Variants in NEK11 observed in about 807,000 individuals in gnomAD.
NEK11 encodes NIMA related kinase 11.
NEK11 carries 72 observed loss-of-function variants against 80.7 expected under a neutral mutation model. The observed-to-expected ratio is 0.89, with a 90% CI of 0.74 to 1.08. NEK11 has a LOEUF of 1.08. NEK11 is among the 50% of genes least tolerant of loss of function. The pLI is 0.00. For synonymous variants in NEK11, 251 were observed against 260.7 expected (o/e 0.96, Z 0.36); for missense variants, 764 against 763.6 (o/e 1.00, Z -0.01).
At chr3:131,226,694 G>A (rs1305989089) in intron 14 of NEK11, among the ~76,000 whole-genome samples, 2 of 152,018 alleles carry the variant, frequency 1.3e-5, no homozygotes, top group African/African-American at 4.8e-5. Context: ...AGGGTGGGAG[G>A]GAGGTAAGGG....
At chr3:131,072,183 C>T (rs1345230375) in intron 3 of NEK11, 4 of 152,186 alleles carry the variant, frequency 2.6e-5, no homozygotes, top group Admixed American at 6.5e-5. Flanking sequence ...TTGACTAATT[C>T]AGCAGCTGAG....
rs550128704 is a variant in NEK11, at chr3:131,094,690, T to G, written c.336+14102T>G. On this transcript the variant is annotated intron_variant, in intron 4 of 17. Coordinates refer to ENST00000383366, the MANE Select transcript of NEK11 (RefSeq NM_024800.5). Reference sequence around the variant, plus strand: ...CCTTCCTGCATGACGGGAAAGCTTCTGTACATCCAGAAACTATTCATTGAA... The same window carrying G: ...CCTTCCTGCATGACGGGAAAGCTTCGGTACATCCAGAAACTATTCATTGAA... Among the ~76,000 whole-genome samples, 8 of 152,338 alleles carry G rather than the reference T, an allele frequency of 5.3e-5. No individual in the cohort carries two copies. The East Asian group carries it at 1.5e-3, about 29-fold the overall frequency.
chr3:131,334,820 A>G (rs1016788348), intron 17 of NEK11, among the ~76,000 whole-genome samples: 35 of 152,368 alleles, frequency 2.3e-4, no homozygotes, highest in African/African-American at 7.5e-4. Context: ...ACAAATTACC[A>G]TCAGAGAATA....
chr3:131,262,658 G>A (rs528820678), intron 16 of NEK11, among the ~76,000 whole-genome samples: 1 of 152,174 alleles, frequency 6.6e-6, no homozygotes, highest in East Asian at 1.9e-4. Flanking sequence ...TTTTAATAAA[G>A]GCAAAATTAG....
chr3:131,075,467 AT>A (rs2074190190), intron 3 of NEK11, among the ~76,000 whole-genome samples: 1 of 151,526 alleles, frequency 6.6e-6, no homozygotes, highest in Non-Finnish European at 1.5e-5. Context: ...CTTTTCCATT[AT>A]TTTTATCAAT....
intron 5 of NEK11, among the ~76,000 whole-genome samples, chr3:131,111,449 C>T (rs142004992): frequency 1.8e-3 from 276 of 152,118 alleles, no homozygotes; most frequent in African/African-American, 5.4e-3. Flanking sequence ...TTTTATGTTT[C>T]GGTTCATTCA....
chr3:131,337,922 A>G (rs62280813), intron 17 of NEK11, among the ~76,000 whole-genome samples: 20,380 of 152,174 alleles, frequency 0.13, 1,744 homozygotes, highest in Non-Finnish European at 0.18. Context: ...TAAAAAATAG[A>G]TATCAAGTGC....
At chr3:131,205,414 G>A (rs749642787) in intron 14 of NEK11, among the ~76,000 whole-genome samples, 11 of 152,146 alleles carry the variant, frequency 7.2e-5, no homozygotes, top group Admixed American at 2.0e-4. Context: ...GGAGAAAGCA[G>A]AATAGGAATC....
At chr3:131,159,451 G>T (rs1027803335) in intron 10 of NEK11, among the ~76,000 whole-genome samples, 4 of 152,192 alleles carry the variant, frequency 2.6e-5, no homozygotes, top group African/African-American at 9.7e-5. Flanking sequence ...TAACTGACCT[G>T]ATTGAGCTGA....
intron 10 of NEK11, among the ~76,000 whole-genome samples, chr3:131,161,165 GA>G (rs1325770154): frequency 3.8e-5 from 5 of 131,696 alleles, no homozygotes; most frequent in African/African-American, 8.1e-5. Context: ...AAAAAAAAAA[GA>G]AAAAAAAAGT....
chr3:131,052,604 A>C (rs1393491172), intron 3 of NEK11, among the ~76,000 whole-genome samples: 2 of 152,170 alleles, frequency 1.3e-5, no homozygotes, highest in African/African-American at 4.8e-5. Context: ...CAACAGTGTT[A>C]CCTTGCCACC....
Position 131,272,379 on chromosome 3 carries a change from G to C in NEK11, c.1622-1099G>C, listed in dbSNP as rs532303034. ...GGGAGTACTCTGCTCCCAGTTCCAG[G>C]GAGGAAAGAGCAGCATAGGGCCAAA... On this transcript the variant is annotated intron_variant, in intron 16 of 17. Transcript: ENST00000383366. Among the ~76,000 whole-genome samples the C allele has an allele frequency of 2.6e-5, 4 of 151,452 alleles. No individual in the cohort carries two copies. In the South Asian group the frequency reaches 8.4e-4, roughly 32 times the overall value.
At chr3:131,215,407 G>A (rs532819275) in intron 14 of NEK11, among the ~76,000 whole-genome samples, 17 of 151,682 alleles carry the variant, frequency 1.1e-4, no homozygotes, top group East Asian at 5.8e-4. Flanking sequence ...ATGTACCCTA[G>A]AACTTAAAGT....
intron 3 of NEK11, among the ~76,000 whole-genome samples, chr3:131,064,801 C>A (rs1471748182): frequency 6.6e-6 from 1 of 151,784 alleles, no homozygotes; most frequent in East Asian, 1.9e-4. Flanking sequence ...GCTTATGGAC[C>A]AGTCAGGCAA....
chr3:131,190,983 A>G (rs1302178942), intron 14 of NEK11, among the ~76,000 whole-genome samples: 2 of 152,192 alleles, frequency 1.3e-5, no homozygotes, highest in African/African-American at 4.8e-5. Flanking sequence ...TGAAACACAT[A>G]GCCAATAAAA....
At chr3:131,233,799 G>T (rs779570731) in intron 15 of NEK11, among the ~76,000 whole-genome samples, 32 of 152,074 alleles carry the variant, frequency 2.1e-4, no homozygotes, top group Non-Finnish European at 3.2e-4. Flanking sequence ...TATTTCATTT[G>T]CTCAAAAAAG....
chr3:131,181,622 T>C (rs2093351259), intron 14 of NEK11, among the ~76,000 whole-genome samples: 1 of 151,678 alleles, frequency 6.6e-6, no homozygotes, highest in African/African-American at 2.4e-5. Flanking sequence ...GGCGGGCGCC[T>C]GTAGTCCCAG....
intron 16 of NEK11, among the ~76,000 whole-genome samples, chr3:131,259,241 A>G (rs2095870086): frequency 6.6e-6 from 1 of 151,876 alleles, no homozygotes; most frequent in Non-Finnish European, 1.5e-5. Flanking sequence ...GTGCTTTTCT[A>G]CTCCAGCATC....
chr3:131,196,479 A>G (rs1327937647), intron 14 of NEK11, among the ~76,000 whole-genome samples: 2 of 152,210 alleles, frequency 1.3e-5, no homozygotes, highest in East Asian at 3.8e-4. Context: ...AAATAAACCC[A>G]GAAGTCATAA....
Sources: allele counts gnomAD v4.1 joint callset (sites outside exome capture counted in the v4.1 genomes callset), GRCh38; gene constraint gnomAD v4.1.1; transcripts MANE v1.5; gene names NCBI Gene and HGNC (gene_info 2026-07-23, HGNC 2026-07-21).